The following GREM2 variants were observed in gnomAD, a reference collection of about 807,000 sequenced individuals.
The protein encoded by GREM2 is gremlin 2, DAN family BMP antagonist, also known as gremlin-2.
Under a neutral mutation model 14.2 loss-of-function variants are expected in GREM2, and 11 were observed. The ratio of observed to expected loss-of-function variants is 0.78; its 90% CI spans 0.49 to 1.28. The LOEUF is 1.28. GREM2 is among the 50% of genes most tolerant of loss of function. The pLI, the probability that GREM2 is intolerant of heterozygous loss-of-function variation, is 0.00. For missense variants in GREM2, 210 were observed against 218.5 expected (o/e 0.96, Z 0.24); for synonymous variants, 98 against 97.6 (o/e 1.00, Z -0.02).
At chr1:240,574,884 G>A (rs554634843) in intron 1 of GREM2, among the ~76,000 whole-genome samples, 359 of 152,174 alleles carry the variant, frequency 2.4e-3, no homozygotes, top group Non-Finnish European at 3.0e-3. Context: ...CGAGGCAGGC[G>A]GATCACGAGG....
chr1:240,539,498 T>C (rs1678542587), intron 1 of GREM2, among the ~76,000 whole-genome samples: 1 of 152,210 alleles, frequency 6.6e-6, no homozygotes, highest in Admixed American at 6.5e-5. Context: ...TGTTATTAGA[T>C]TTTACTATAC....
intron 1 of GREM2, among the ~76,000 whole-genome samples, chr1:240,545,818 T>G (rs1307361187): frequency 6.6e-6 from 1 of 152,170 alleles, no homozygotes; most frequent in African/African-American, 2.4e-5. Context: ...ATTTCAGTTG[T>G]TTTTTTCCTT....
At chr1:240,523,457 T>C (rs1410257915) in intron 1 of GREM2, among the ~76,000 whole-genome samples, 2 of 152,190 alleles carry the variant, frequency 1.3e-5, no homozygotes, top group African/African-American at 2.4e-5. Flanking sequence ...ACCAAAAATG[T>C]TCCCCAGACA....
intron 1 of GREM2, among the ~76,000 whole-genome samples, chr1:240,552,814 T>C (rs901863418): frequency 1.3e-5 from 2 of 152,244 alleles, no homozygotes; most frequent in Non-Finnish European, 2.9e-5. Context: ...TTTTGAAACA[T>C]GCTGTAAGGT....
At position 240,542,308 on chromosome 1, in the gene GREM2, T is replaced by C. The variant is rs988786881; in HGVS notation, c.-1-48832A>G. On this transcript the variant is annotated intron_variant, in intron 1 of 1. Transcript: ENST00000318160. The surrounding 1 kb of genome is among the most constrained non-coding windows in gnomAD (Gnocchi z 4.1). ...GTAATTGATTCAGCATTTTAATTTC[T>C]AAGGAGCTGAGCCGGGCACGGTGGC... Among the ~76,000 whole-genome samples, 10 of 151,942 alleles carry C rather than the reference T, an allele frequency of 6.6e-5. No individual in the cohort carries two copies. Among genetic ancestry groups the C allele is most frequent in the African/African-American group, 2.4e-4 (10 of 41,354 alleles).
At chr1:240,497,653 T>TG (rs1677460142) in intron 1 of GREM2, among the ~76,000 whole-genome samples, 7 of 150,436 alleles carry the variant, frequency 4.7e-5, no homozygotes, top group Non-Finnish European at 8.9e-5. Flanking sequence ...AAAAAAAAGT[T>TG]TTTTTTTTTT....
chr1:240,521,403 C>T (rs1678088630), intron 1 of GREM2, among the ~76,000 whole-genome samples: 1 of 151,744 alleles, frequency 6.6e-6, no homozygotes, highest in Admixed American at 6.6e-5. Context: ...CCCGTCTCTA[C>T]TAAAAATACA....
Position 240,546,533 on chromosome 1 carries a change from C to T in GREM2, c.-1-53057G>A, listed in dbSNP as rs79258807. Among the ~76,000 whole-genome samples, 515 of 152,176 alleles carry T rather than the reference C, an allele frequency of 3.4e-3. 13 individuals carry two copies. Among genetic ancestry groups the T allele is most frequent in the East Asian group, 0.032 (163 of 5,158 alleles). ...GACTTTATCATATTATCTCTGCCTC[C>T]GCCATGTTCCTACATAGAGTTTTGC... On this transcript the variant is annotated intron_variant, in intron 1 of 1. Coordinates refer to ENST00000318160, the MANE Select transcript of GREM2 (RefSeq NM_022469.4).
At chr1:240,603,259 C>T (rs1356176039) in intron 1 of GREM2, among the ~76,000 whole-genome samples, 1 of 152,128 alleles carries the variant, frequency 6.6e-6, no homozygotes, top group Admixed American at 6.5e-5. Flanking sequence ...GTGCTTGAGA[C>T]CATCCAGTTT....
chr1:240,585,187 A>T (rs1042199522), intron 1 of GREM2, among the ~76,000 whole-genome samples: 3 of 152,112 alleles, frequency 2.0e-5, no homozygotes, highest in Non-Finnish European at 4.4e-5. Context: ...CTTTGTGAGC[A>T]TAAGCACATG....
At chr1:240,544,364 G>A (rs1273278489) in intron 1 of GREM2, among the ~76,000 whole-genome samples, 1 of 152,038 alleles carries the variant, frequency 6.6e-6, no homozygotes, top group Non-Finnish European at 1.5e-5. Context: ...AGCCAGGATG[G>A]TCTCGATCTC....
In GREM2 at chr1:240,492,271, A is replaced by G; in HGVS notation, c.*698T>C. On this transcript the variant is annotated 3_prime_UTR_variant, in exon 2 of 2. Coordinates refer to ENST00000318160, the MANE Select transcript of GREM2 (RefSeq NM_022469.4). ...CCACAAATAGGGGGCGGGGACAGTG[A>G]GGAAGAAGAGGCGGTGGGGACTTGA... 2.3e-6 allele frequency: 1 copy of G among 442,864 alleles called. No individual in the cohort carries two copies. Among genetic ancestry groups the G allele is most frequent in the South Asian group, 1.6e-5 (1 of 63,060 alleles). The allele number at this position is 442,864 out of a possible 1,614,324, so 27.4% of individuals were successfully genotyped here.
chr1:240,611,640 C>G (rs185016707), intron 1 of GREM2, among the ~76,000 whole-genome samples: 47 of 152,198 alleles, frequency 3.1e-4, no homozygotes, highest in Non-Finnish European at 4.9e-4. Flanking sequence ...AAAGAGCGAT[C>G]ACGGTCAAGT....
chr1:240,581,675 T>C (rs1443399675), intron 1 of GREM2, among the ~76,000 whole-genome samples: 1 of 152,236 alleles, frequency 6.6e-6, no homozygotes, highest in African/African-American at 2.4e-5. Flanking sequence ...TGAAATGTTT[T>C]ATCTAAGAAT....
chr1:240,580,905 A>G (rs1679470469), intron 1 of GREM2, among the ~76,000 whole-genome samples: 1 of 152,180 alleles, frequency 6.6e-6, no homozygotes, highest in South Asian at 2.1e-4. Context: ...TTTAATATGA[A>G]CATTTGTGTT....
chr1:240,494,432 GA>G (rs1677358596), intron 1 of GREM2, among the ~76,000 whole-genome samples: 1 of 152,232 alleles, frequency 6.6e-6, no homozygotes, highest in African/African-American at 2.4e-5. Flanking sequence ...AAAGTAGAGA[GA>G]AGATGGGTGT....
chr1:240,512,458 A>G (rs1212819089), intron 1 of GREM2, among the ~76,000 whole-genome samples: 1 of 32,604 alleles, frequency 3.1e-5, no homozygotes, highest in Non-Finnish European at 5.0e-5. Flanking sequence ...TCCTACTACT[A>G]AGGCTCTTTC....
At chr1:240,556,667 G>A (rs1480454760) in intron 1 of GREM2, among the ~76,000 whole-genome samples, 1 of 151,886 alleles carries the variant, frequency 6.6e-6, no homozygotes, top group South Asian at 2.1e-4. Flanking sequence ...AAAAGAAGAC[G>A]ATACTAAGAA....
chr1:240,511,626 G>A (rs1259539987), intron 1 of GREM2, among the ~76,000 whole-genome samples: 1 of 152,128 alleles, frequency 6.6e-6, no homozygotes, highest in East Asian at 1.9e-4. Flanking sequence ...GGTGGTGGGC[G>A]CCTATAATCC....
Sources: gnomAD v4.1 joint callset for allele counts (sites outside exome capture counted in the v4.1 genomes callset) on GRCh38, gnomAD v4.1.1 for gene constraint, Gnocchi (gnomAD v3.1) non-coding constraint, MANE v1.5 for transcripts, NCBI Gene and HGNC (gene_info 2026-07-23, HGNC 2026-07-21) for gene names.